Variants in CFAP299 observed in about 807,000 individuals in gnomAD.
CFAP299 encodes cilia- and flagella-associated protein 299.
CFAP299 carries 21 observed loss-of-function variants against 27.0 expected under a neutral mutation model. That is an observed-to-expected ratio of 0.78 (90% CI 0.55 to 1.12). The LOEUF is 1.12. Among genes scored for constraint, CFAP299 ranks in the 50% most tolerant of loss-of-function variants. The probability of loss-of-function intolerance (pLI) is 0.00; values close to 1 mark genes in which losing one functional copy is unlikely to be tolerated. For missense variants in CFAP299, 310 were observed against 276.6 expected (o/e 1.12, Z -0.86); for synonymous variants, 104 against 98.1 (o/e 1.06, Z -0.36).
chr4:80,567,546 A>G (rs1041844741), intron 2 of CFAP299, among the ~76,000 whole-genome samples: 3 of 151,958 alleles, frequency 2.0e-5, no homozygotes, highest in Non-Finnish European at 4.4e-5. Context: ...AGGGGAGGAG[A>G]CTAAAAAAGC....
At chr4:80,642,372 G>A (rs917944948) in intron 3 of CFAP299, among the ~76,000 whole-genome samples, 5 of 152,182 alleles carry the variant, frequency 3.3e-5, no homozygotes, top group Admixed American at 6.5e-5. Context: ...GTTTGTGAGA[G>A]AATATAATTA....
chr4:80,722,860 C>A (rs1460797030), intron 3 of CFAP299, among the ~76,000 whole-genome samples: 2 of 152,028 alleles, frequency 1.3e-5, no homozygotes, highest in Admixed American at 1.3e-4. Flanking sequence ...GAGATCATGC[C>A]ACTGCACTCC....
intron 3 of CFAP299, among the ~76,000 whole-genome samples, chr4:80,735,579 AT>A (rs1297260027): frequency 2.0e-5 from 3 of 152,144 alleles, no homozygotes; most frequent in Non-Finnish European, 4.4e-5. Flanking sequence ...GGTCTATCAT[AT>A]ATGGCTTTTA....
chr4:80,686,365 G>A (rs979488021), intron 3 of CFAP299, among the ~76,000 whole-genome samples: 3 of 152,186 alleles, frequency 2.0e-5, no homozygotes, highest in African/African-American at 7.2e-5. Context: ...AGAGTGTCAG[G>A]CCACTTGGTG....
chr4:80,747,718 T>C (rs1724701594), intron 3 of CFAP299, among the ~76,000 whole-genome samples: 1 of 152,082 alleles, frequency 6.6e-6, no homozygotes, highest in African/African-American at 2.4e-5. Flanking sequence ...TTTCTTGGTA[T>C]TTCTCAGGCT....
intron 2 of CFAP299, among the ~76,000 whole-genome samples, chr4:80,543,289 C>G (rs544365188): frequency 6.6e-6 from 1 of 152,292 alleles, no homozygotes; most frequent in African/African-American, 2.4e-5. Context: ...TCTGGCAACT[C>G]TAAAAGCCAG....
intron 2 of CFAP299, among the ~76,000 whole-genome samples, chr4:80,533,424 C>T (rs1733568733): frequency 6.6e-6 from 1 of 152,144 alleles, no homozygotes; most frequent in East Asian, 1.9e-4. Context: ...GTTCCAATCT[C>T]TTCTTATTTT....
rs185822197 is a variant in CFAP299 at position 80,430,687 on chromosome 4, T to C, written c.242+67803T>C. ...CTCCTCCTCTTGACTATCTAGTACA[T>C]AGAGACTCCTGAGCATCCCTTCTAA... is the stretch of plus-strand genomic sequence containing the variant. On this transcript the variant is annotated intron_variant, in intron 2 of 5. Transcript: ENST00000358105. 1.1e-3 allele frequency among the ~76,000 whole-genome samples: 170 copies of C among 152,310 alleles called. 2 individuals are homozygous for C. The South Asian group carries it at 0.019, about 17-fold the overall frequency.
chr4:80,834,399 CATA>C (rs1294298950), intron 3 of CFAP299, among the ~76,000 whole-genome samples: 1 of 152,116 alleles, frequency 6.6e-6, no homozygotes, highest in Non-Finnish European at 1.5e-5. Flanking sequence ...GTGGCTGGAA[CATA>C]ATAAACTCTT....
chr4:80,539,371 G>T (rs912587971), intron 2 of CFAP299, among the ~76,000 whole-genome samples: 1 of 152,192 alleles, frequency 6.6e-6, no homozygotes, highest in Non-Finnish European at 1.5e-5. Flanking sequence ...CACCAGGTTC[G>T]TCAGGAGGCA....
chr4:80,856,246 A>G (rs185178998), intron 3 of CFAP299, among the ~76,000 whole-genome samples: 2,909 of 145,558 alleles, frequency 0.02, 157 homozygotes, highest in Admixed American at 0.063. Context: ...CCACTTTTTG[A>G]TGGGGTTGTT....
At chr4:80,703,051 A>G (rs540099327) in intron 3 of CFAP299, among the ~76,000 whole-genome samples, 4 of 151,712 alleles carry the variant, frequency 2.6e-5, no homozygotes, top group Non-Finnish European at 5.9e-5. Context: ...GTGAGACTGG[A>G]GGGGAATCTT....
chr4:80,811,041 T>C (rs1729127592), intron 3 of CFAP299, among the ~76,000 whole-genome samples: 1 of 152,118 alleles, frequency 6.6e-6, no homozygotes, highest in Non-Finnish European at 1.5e-5. Context: ...CCTACACAGT[T>C]TATACCCTTT....
In CFAP299 at chr4:80,842,066, G is replaced by C. The variant is rs1026672754; in HGVS notation, c.334-27927G>C. ...AAACCTTACCGCTTCTCCTCCTTGA[G>C]TGTAGAATGAATGGGGTGGCTGGTG... On this transcript the variant is annotated intron_variant, in intron 3 of 5. Coordinates refer to ENST00000358105, the MANE Select transcript of CFAP299 (RefSeq NM_152770.3). Among the ~76,000 whole-genome samples, 12 of 152,192 alleles carry C rather than the reference G, an allele frequency of 7.9e-5. No homozygotes were observed. In the South Asian group the frequency reaches 8.3e-4, roughly 11 times the overall value.
chr4:80,699,159 ACT>A (rs1721303244), intron 3 of CFAP299, among the ~76,000 whole-genome samples: 1 of 152,012 alleles, frequency 6.6e-6, no homozygotes, highest in African/African-American at 2.4e-5. Context: ...AGACTTCTAG[ACT>A]CTCTAATTGA....
At chr4:80,828,503 G>GT (rs1730116866) in intron 3 of CFAP299, among the ~76,000 whole-genome samples, 1 of 152,012 alleles carries the variant, frequency 6.6e-6, no homozygotes, top group Non-Finnish European at 1.5e-5. Flanking sequence ...GCAGGGCTTG[G>GT]TAGGAGGTGT....
intron 2 of CFAP299, among the ~76,000 whole-genome samples, chr4:80,566,612 C>T (rs1265563068): frequency 6.6e-6 from 1 of 152,188 alleles, no homozygotes; most frequent in Non-Finnish European, 1.5e-5. Context: ...CCAGTTTCAG[C>T]GTTCTCCAGA....
intron 2 of CFAP299, among the ~76,000 whole-genome samples, chr4:80,487,896 T>C (rs1730907848): frequency 6.6e-6 from 1 of 152,180 alleles, no homozygotes; most frequent in African/African-American, 2.4e-5. Flanking sequence ...GAATATGTGA[T>C]AGATGGAAAA....
At chr4:80,661,600 A>C (rs1358403575) in intron 3 of CFAP299, among the ~76,000 whole-genome samples, 2 of 152,134 alleles carry the variant, frequency 1.3e-5, no homozygotes, top group Non-Finnish European at 2.9e-5. Context: ...TCATCTTCAT[A>C]AGCTGAGGAT....
Sources: gnomAD v4.1 joint callset for allele counts (sites outside exome capture counted in the v4.1 genomes callset) on GRCh38, gnomAD v4.1.1 for gene constraint, MANE v1.5 for transcripts, NCBI Gene and HGNC (gene_info 2026-07-23, HGNC 2026-07-21) for gene names.